Variants in CNTN5 observed in about 807,000 individuals in gnomAD.
CNTN5 encodes the protein contactin-5.
CNTN5 carries 77 observed loss-of-function variants against 129.1 expected under a neutral mutation model. The ratio of observed to expected loss-of-function variants is 0.60; its 90% confidence interval spans 0.50 to 0.72. The LOEUF (loss-of-function observed/expected upper bound fraction) is 0.72, where lower values mean the gene tolerates loss of function less well. Ranked by LOEUF, CNTN5 falls within the 30% of genes least tolerant of loss-of-function variation. The probability of loss-of-function intolerance (pLI) is 0.00; values close to 1 mark genes in which losing one functional copy is unlikely to be tolerated. For synonymous variants in CNTN5, 509 were observed against 465.6 expected, an observed-to-expected ratio of 1.09 and a Z score of -1.20; for missense variants, 1,478 against 1,328.8, an observed-to-expected ratio of 1.11 and a Z score of -1.75.
chr11:99,774,557 T>C (rs913622044), intron 3 of CNTN5, among the ~76,000 whole-genome samples: 1 of 151,880 alleles, frequency 6.6e-6, no homozygotes, highest in African/African-American at 2.4e-5. Context: ...TATCCCTTAA[T>C]GAGAGCTAGG....
intron 8 of CNTN5, among the ~76,000 whole-genome samples, chr11:99,985,794 G>A (rs181916508): frequency 2.6e-4 from 40 of 152,048 alleles, no homozygotes; most frequent in African/African-American, 8.9e-4. Context: ...TTCCTGGCAC[G>A]GTCTTCCTCA....
chr11:99,088,046 AG>A (rs1866072445), intron 1 of CNTN5, among the ~76,000 whole-genome samples: 1 of 152,198 alleles, frequency 6.6e-6, no homozygotes, highest in African/African-American at 2.4e-5. Flanking sequence ...TAATGTAAAT[AG>A]CCTTTTTGGA....
intron 3 of CNTN5, among the ~76,000 whole-genome samples, chr11:99,785,971 T>A (rs1442235111): frequency 6.6e-6 from 1 of 151,962 alleles, no homozygotes; most frequent in African/African-American, 2.4e-5. Flanking sequence ...CTCTCACCAC[T>A]CCTATTCAGC....
chr11:99,918,649 TTATAG>T (rs923088158), intron 7 of CNTN5, among the ~76,000 whole-genome samples: 42 of 152,216 alleles, frequency 2.8e-4, no homozygotes, highest in African/African-American at 9.1e-4. Context: ...TTAGTATATA[TTATAG>T]TATATAGTAC....
chr11:99,640,573 A>C (rs1417285227), intron 3 of CNTN5, among the ~76,000 whole-genome samples: 1 of 152,178 alleles, frequency 6.6e-6, no homozygotes, highest in African/African-American at 2.4e-5. Flanking sequence ...TTGAATGGGG[A>C]CACAGCCAAA....
At chr11:100,042,785 TCTC>T (rs961925905) in intron 9 of CNTN5, among the ~76,000 whole-genome samples, 3 of 152,182 alleles carry the variant, frequency 2.0e-5, no homozygotes, top group Admixed American at 1.3e-4. Context: ...CACATAGTCT[TCTC>T]CTGTTATTAA....
chr11:99,954,401 T>A (rs1159231050), intron 7 of CNTN5, among the ~76,000 whole-genome samples: 1 of 152,168 alleles, frequency 6.6e-6, no homozygotes, highest in African/African-American at 2.4e-5. Flanking sequence ...GTTGACCAAC[T>A]AATCTCAATA....
chr11:99,125,999 G>C (rs947840870), intron 1 of CNTN5, among the ~76,000 whole-genome samples: 1 of 152,038 alleles, frequency 6.6e-6, no homozygotes, highest in Non-Finnish European at 1.5e-5. Flanking sequence ...TTCTTATACA[G>C]GTTAGAAGAT....
At chr11:99,076,466 GCA>G (rs1342088939) in intron 1 of CNTN5, among the ~76,000 whole-genome samples, 10 of 151,504 alleles carry the variant, frequency 6.6e-5, no homozygotes, top group Admixed American at 6.6e-4. Flanking sequence ...ACACACACAA[GCA>G]CACACACACA....
chr11:99,450,678 C>A (rs897703171), intron 2 of CNTN5, among the ~76,000 whole-genome samples: 2 of 151,964 alleles, frequency 1.3e-5, no homozygotes, highest in African/African-American at 4.8e-5. Flanking sequence ...CATCTCCATC[C>A]CCTGGTCATC....
At chr11:100,008,187 A>G (rs1218538039) in intron 9 of CNTN5, among the ~76,000 whole-genome samples, 3 of 152,070 alleles carry the variant, frequency 2.0e-5, no homozygotes, top group Non-Finnish European at 2.9e-5. Flanking sequence ...AAAAATTGAG[A>G]TGCTCCAAGA....
At chr11:99,173,560 A>T (rs1051205000) in intron 1 of CNTN5, among the ~76,000 whole-genome samples, 3 of 152,186 alleles carry the variant, frequency 2.0e-5, no homozygotes, top group Admixed American at 1.3e-4. Context: ...GTTTCTGTTC[A>T]TTGGGGCAGA....
intron 8 of CNTN5, among the ~76,000 whole-genome samples, chr11:99,975,425 A>T (rs2137326505): frequency 6.6e-6 from 1 of 152,244 alleles, no homozygotes; most frequent in African/African-American, 2.4e-5. Context: ...CTAAGCTTAG[A>T]AATGGATTTT....
chr11:99,471,755 A>T lies in CNTN5; in HGVS notation c.-70-84390A>T, dbSNP rs551067811. 3.9e-5 allele frequency among the ~76,000 whole-genome samples: 6 copies of T among 152,190 alleles called. No homozygotes were observed. The South Asian group carries it at 1.0e-3, about 26-fold the overall frequency. On this transcript the variant is annotated intron_variant, in intron 2 of 24. Coordinates refer to ENST00000524871, the MANE Select transcript of CNTN5 (RefSeq NM_014361.4). ...TTGGTAATAAGTTTTGTGTTCTTCA[A>T]TAGCATTTTGTACATTCCCTATCAT...
intron 1 of CNTN5, among the ~76,000 whole-genome samples, chr11:99,027,356 A>C (rs531010005): frequency 1.3e-5 from 2 of 151,704 alleles, no homozygotes; most frequent in South Asian, 4.1e-4. Flanking sequence ...GTGTTTGACA[A>C]ATTTTGGGTA....
At chr11:99,675,703 A>G (rs1209952434) in intron 3 of CNTN5, among the ~76,000 whole-genome samples, 1 of 152,174 alleles carries the variant, frequency 6.6e-6, no homozygotes, top group East Asian at 1.9e-4. Flanking sequence ...AAATTAAAAT[A>G]GAAACAGATA....
intron 15 of CNTN5, among the ~76,000 whole-genome samples, chr11:100,195,174 G>C (rs1412850778): frequency 6.6e-6 from 1 of 151,740 alleles, no homozygotes; most frequent in Non-Finnish European, 1.5e-5. Context: ...ATCACATTTT[G>C]ATTAAAAAAT....
At chr11:100,332,647 A>G (rs1951928536) in intron 21 of CNTN5, among the ~76,000 whole-genome samples, 1 of 152,180 alleles carries the variant, frequency 6.6e-6, no homozygotes, top group African/African-American at 2.4e-5. Flanking sequence ...GGGATAGTTT[A>G]ACACGTAAGT....
chr11:100,047,305 G>A (rs972993022), intron 9 of CNTN5, among the ~76,000 whole-genome samples: 60 of 151,934 alleles, frequency 3.9e-4, no homozygotes, highest in Admixed American at 1.3e-4. Flanking sequence ...AGGTCACAGG[G>A]GTAGGGTTAA....
Sources: allele counts gnomAD v4.1 joint callset (sites outside exome capture counted in the v4.1 genomes callset), GRCh38; gene constraint gnomAD v4.1.1; transcripts MANE v1.5; gene names NCBI Gene and HGNC (gene_info 2026-07-23, HGNC 2026-07-21).